MAP2K4: variants seen among roughly 807,000 people sequenced by gnomAD.
MAP2K4 encodes the protein mitogen-activated protein kinase kinase 4.
Under a neutral mutation model 48.5 loss-of-function variants are expected in MAP2K4, and 4 were observed. That is an observed-to-expected ratio of 0.08 (90% CI 0.04 to 0.19). The LOEUF (loss-of-function observed/expected upper bound fraction) is 0.19, where lower values mean the gene tolerates loss of function less well. MAP2K4 is among the 10% of genes least tolerant of loss of function. The pLI, the probability that MAP2K4 is intolerant of heterozygous loss-of-function variation, is 1.00. For missense variants in MAP2K4, 258 were observed against 493.3 expected (o/e 0.52, Z 4.52); for synonymous variants, 166 against 173.1 (o/e 0.96, Z 0.32).
At chr17:12,071,260 GTT>G (rs1366867423) in intron 2 of MAP2K4, among the ~76,000 whole-genome samples, 1 of 152,156 alleles carries the variant, frequency 6.6e-6, no homozygotes, top group Non-Finnish European at 1.5e-5. Context: ...GTGGTGTATA[GTT>G]CACCCTACTA....
At chr17:12,064,976 A>C (rs1366161486) in intron 2 of MAP2K4, among the ~76,000 whole-genome samples, 1 of 152,216 alleles carries the variant, frequency 6.6e-6, no homozygotes, top group Non-Finnish European at 1.5e-5. Flanking sequence ...TACTGATTCT[A>C]TCTCTATGAA....
chr17:12,131,127 T>C (rs1973009099), intron 9 of MAP2K4, among the ~76,000 whole-genome samples: 1 of 152,152 alleles, frequency 6.6e-6, no homozygotes, highest in Non-Finnish European at 1.5e-5. Context: ...AAAAAAATAC[T>C]GAGAGATACT....
intron 2 of MAP2K4, among the ~76,000 whole-genome samples, chr17:12,059,480 T>C (rs1050688841): frequency 2.0e-5 from 3 of 152,376 alleles, no homozygotes; most frequent in Non-Finnish European, 4.4e-5. Context: ...ACAATTGTTA[T>C]TCTGAAAGAA....
At chr17:12,132,976 T>C (rs976479335) in intron 9 of MAP2K4, among the ~76,000 whole-genome samples, 1 of 152,228 alleles carries the variant, frequency 6.6e-6, no homozygotes, top group Non-Finnish European at 1.5e-5. Context: ...TGGAGATGTA[T>C]AGAAATTCTA....
intron 9 of MAP2K4, among the ~76,000 whole-genome samples, chr17:12,130,783 T>G (rs1341415857): frequency 6.6e-6 from 1 of 152,232 alleles, no homozygotes; most frequent in African/African-American, 2.4e-5. Flanking sequence ...CTCTTTGTCT[T>G]GGACATTGCC....
chr17:12,071,887 C>T (rs992661553), intron 2 of MAP2K4, among the ~76,000 whole-genome samples: 1 of 152,112 alleles, frequency 6.6e-6, no homozygotes, highest in African/African-American at 2.4e-5. Flanking sequence ...TTTTCCTCTT[C>T]TCATATGGGC....
At chr17:12,055,513 A>G (rs1970257840) in intron 2 of MAP2K4, among the ~76,000 whole-genome samples, 1 of 152,102 alleles carries the variant, frequency 6.6e-6, no homozygotes, top group Non-Finnish European at 1.5e-5. Flanking sequence ...AATGAAGGCC[A>G]GTGGCTGTAC....
intron 4 of MAP2K4, among the ~76,000 whole-genome samples, chr17:12,096,377 C>A (rs1971759752): frequency 6.6e-6 from 1 of 152,116 alleles, no homozygotes; most frequent in Non-Finnish European, 1.5e-5. Flanking sequence ...AATCCACTTA[C>A]TCATTTCCAG....
chr17:12,109,780 T>C (rs1972244289), intron 5 of MAP2K4, among the ~76,000 whole-genome samples: 1 of 152,186 alleles, frequency 6.6e-6, no homozygotes, highest in Non-Finnish European at 1.5e-5. Context: ...AAGTTATTAC[T>C]CTTAGTTGAA....
intron 6 of MAP2K4, among the ~76,000 whole-genome samples, chr17:12,112,158 G>A (rs1483284978): frequency 6.6e-6 from 1 of 152,038 alleles, no homozygotes; most frequent in African/African-American, 2.4e-5. Context: ...ATAAAACACA[G>A]GTTCTGTTAG....
intron 9 of MAP2K4, among the ~76,000 whole-genome samples, chr17:12,137,763 T>C (rs1246484730): frequency 6.6e-6 from 1 of 152,140 alleles, no homozygotes; most frequent in East Asian, 1.9e-4. Flanking sequence ...GTGAAGTCTC[T>C]TTATCATGTA....
intron 1 of MAP2K4, among the ~76,000 whole-genome samples, chr17:12,052,009 A>C (rs1304104144): frequency 6.6e-6 from 1 of 151,936 alleles, no homozygotes. Context: ...CTTTTCTTGA[A>C]TCTCACCTTC....
At chr17:12,091,002 G>A (rs1018439823) in intron 3 of MAP2K4, among the ~76,000 whole-genome samples, 2 of 152,150 alleles carry the variant, frequency 1.3e-5, no homozygotes, top group Non-Finnish European at 2.9e-5. Flanking sequence ...GTATGTGAGA[G>A]ATGGATTTGG....
At chr17:12,119,076 C>G (rs1036226621) in intron 7 of MAP2K4, among the ~76,000 whole-genome samples, 3 of 152,054 alleles carry the variant, frequency 2.0e-5, no homozygotes, top group Admixed American at 6.5e-5. Context: ...GATGAAATAG[C>G]TGAAATGGTT....
chr17:12,125,078 G>T (rs1184279779), intron 7 of MAP2K4: 1 of 518,082 alleles, frequency 1.9e-6, no homozygotes, highest in South Asian at 2.6e-5. Context: ...ATAGTTAAAT[G>T]AATTGCTTAG....
chr17:12,070,161 AAT>A (rs1970756670), intron 2 of MAP2K4, among the ~76,000 whole-genome samples: 1 of 151,576 alleles, frequency 6.6e-6, no homozygotes, highest in African/African-American at 2.4e-5. Context: ...CTAATTAAAT[AAT>A]AAAAGGTTCT....
At chr17:12,031,701 C>T (rs57844066) in intron 1 of MAP2K4, among the ~76,000 whole-genome samples, 6,128 of 152,216 alleles carry the variant, frequency 0.04, 405 homozygotes, top group African/African-American at 0.14. Flanking sequence ...CCTAGGGACA[C>T]TATCTTATTT....
intron 10 of MAP2K4, 99 bp from the exon 11 acceptor site, chr17:12,141,048 G>C (rs1597510948): frequency 2.8e-6 from 2 of 725,446 alleles, no homozygotes; most frequent in East Asian, 5.2e-5. Context: ...GCTATGTGTG[G>C]TTGGGAGCCT....
At chr17:12,100,562 C>T (rs1234317212) in intron 4 of MAP2K4, among the ~76,000 whole-genome samples, 1 of 151,956 alleles carries the variant, frequency 6.6e-6, no homozygotes, top group African/African-American at 2.4e-5. Flanking sequence ...CTTTTATTTT[C>T]CTGGGGTAAT....
Sources: gnomAD v4.1 joint callset for allele counts (sites outside exome capture counted in the v4.1 genomes callset) on GRCh38, gnomAD v4.1.1 for gene constraint, MANE v1.5 for transcripts, NCBI Gene and HGNC (gene_info 2026-07-23, HGNC 2026-07-21) for gene names.